The following RCL1 variants were observed in gnomAD, a reference collection of about 807,000 sequenced individuals.
RCL1 encodes the protein RNA terminal phosphate cyclase like 1.
In RCL1, 24 loss-of-function variants were observed where a neutral mutation model predicts 42.4. That is an observed-to-expected ratio of 0.57 (90% confidence interval 0.41 to 0.80). The LOEUF (loss-of-function observed/expected upper bound fraction) is 0.80. Ranked by LOEUF, RCL1 falls within the 30% of genes least tolerant of loss-of-function variation. The pLI is 0.00. For missense variants in RCL1, 578 were observed against 467.9 expected, an observed-to-expected ratio of 1.24 and a Z score of -2.17; for synonymous variants, 228 against 177.3, an observed-to-expected ratio of 1.29 and a Z score of -2.27.
intron 1 of RCL1, among the ~76,000 whole-genome samples, chr9:4,816,596 A>T (rs916091931): frequency 4.6e-5 from 7 of 152,098 alleles, no homozygotes; most frequent in Non-Finnish European, 1.0e-4. Context: ...CTTGTGCTTT[A>T]TCCGCAGCCC....
intron 6 of RCL1, among the ~76,000 whole-genome samples, chr9:4,841,920 A>G (rs1421730275): frequency 6.6e-6 from 1 of 152,248 alleles, no homozygotes; most frequent in African/African-American, 2.4e-5. Context: ...TATGTAATGA[A>G]GATACCTGTT....
chr9:4,827,627 T>TTTA (rs1477135172), intron 3 of RCL1, among the ~76,000 whole-genome samples: 12 of 152,304 alleles, frequency 7.9e-5, no homozygotes, highest in South Asian at 2.1e-4. Context: ...GAGCAAGCTT[T>TTTA]TTATTAAACA....
At position 4,834,135 on chromosome 9, in the gene RCL1, G is replaced by T. The variant is rs369255649; in HGVS notation, c.460-6G>T. ...CCTCGCCTCATCTTTCTCACTCTCT[G>T]TGTAGATTGTGCGACGGGGAATGCC... On this transcript the variant is annotated splice_polypyrimidine_tract_variant and splice_region_variant and intron_variant, in intron 4 of 8. Coordinates refer to ENST00000381750, the MANE Select transcript of RCL1 (RefSeq NM_005772.5). 2 of 1,612,050 alleles carry T rather than the reference G, an allele frequency of 1.2e-6. No individual in the cohort carries two copies. The highest frequency in any genetic ancestry group is 2.7e-5 in the African/African-American group (2 of 74,840).
At chr9:4,824,479 C>G (rs919746914) in intron 2 of RCL1, among the ~76,000 whole-genome samples, 12 of 147,536 alleles carry the variant, frequency 8.1e-5, no homozygotes, top group African/African-American at 2.7e-4. Context: ...GTATAGTATT[C>G]CAGTGTATTG....
Position 4,860,289 on chromosome 9 carries a change from A to G in RCL1, c.*14A>G. On this transcript the variant is annotated 3_prime_UTR_variant, in exon 9 of 9. Transcript: ENST00000381750. Reference sequence around the variant, plus strand: ...ACCCTCAAGTGATAACCATCACAAGATAAGGCCCCAATGCCTACAGACAAA... The same window carrying G: ...ACCCTCAAGTGATAACCATCACAAGGTAAGGCCCCAATGCCTACAGACAAA... The G allele has an allele frequency of 6.2e-7, 1 of 1,611,652 alleles. No homozygotes were observed. Among genetic ancestry groups the G allele is most frequent in the Non-Finnish European group, 8.5e-7 (1 of 1,179,174 alleles).
intron 1 of RCL1, among the ~76,000 whole-genome samples, chr9:4,814,219 T>C (rs1056934514): frequency 7.9e-5 from 9 of 114,376 alleles, no homozygotes; most frequent in South Asian, 2.7e-4. Context: ...ACAGCCTTTA[T>C]TGTGTTGAGG....
At chr9:4,821,130 G>A (rs995422516) in intron 1 of RCL1, among the ~76,000 whole-genome samples, 2 of 152,174 alleles carry the variant, frequency 1.3e-5, no homozygotes, top group Admixed American at 6.6e-5. Context: ...GGCTAAGAGT[G>A]TGGAACCTTT....
intron 8 of RCL1, among the ~76,000 whole-genome samples, chr9:4,858,297 AG>A (rs903655385): frequency 2.6e-5 from 4 of 151,996 alleles, no homozygotes; most frequent in African/African-American, 9.7e-5. Context: ...CCAATCCTGT[AG>A]GTTGTTTTTT....
intron 5 of RCL1, among the ~76,000 whole-genome samples, chr9:4,839,050 G>C (rs987903500): frequency 6.6e-6 from 1 of 152,194 alleles, no homozygotes; most frequent in African/African-American, 2.4e-5. Flanking sequence ...AATTAACCTG[G>C]AGTGATGCAG....
At chr9:4,840,284 A>G (rs937615643) in intron 5 of RCL1, among the ~76,000 whole-genome samples, 1 of 152,142 alleles carries the variant, frequency 6.6e-6, no homozygotes, top group Non-Finnish European at 1.5e-5. Flanking sequence ...TACCTGTTGG[A>G]CTTGTCACGT....
At chr9:4,840,215 T>C (rs1313369473) in intron 5 of RCL1, among the ~76,000 whole-genome samples, 2 of 152,204 alleles carry the variant, frequency 1.3e-5, no homozygotes, top group African/African-American at 4.8e-5. Context: ...AAATTAAATA[T>C]GTTATTGTCA....
chr9:4,814,085 C>G (rs71496497), intron 1 of RCL1, among the ~76,000 whole-genome samples: 2,342 of 152,088 alleles, frequency 0.015, 26 homozygotes, highest in Non-Finnish European at 0.023. Context: ...ACCAGCATGG[C>G]ACACTTATAC....
chr9:4,808,822 C>G (rs1013313453), intron 1 of RCL1, among the ~76,000 whole-genome samples: 2 of 152,136 alleles, frequency 1.3e-5, no homozygotes, highest in Non-Finnish European at 2.9e-5. Context: ...AGCATGATAT[C>G]TAGAAAAGTT....
At chr9:4,832,174 C>G (rs1392303362) in intron 3 of RCL1, among the ~76,000 whole-genome samples, 1 of 152,250 alleles carries the variant, frequency 6.6e-6, no homozygotes, top group African/African-American at 2.4e-5. Flanking sequence ...AGACCCCAGA[C>G]TTCCTGGGAG....
chr9:4,795,284 A>G lies in RCL1; in HGVS notation c.136+2057A>G, dbSNP rs182580583. Among the ~76,000 whole-genome samples, 44 of 152,056 alleles carry G rather than the reference A, an allele frequency of 2.9e-4. 1 individual carries two copies. The highest frequency in any genetic ancestry group is 9.9e-4 in the African/African-American group (41 of 41,460). ...TTTTTAGTAGAGATGGGGTTTCACCATGTTGGCCAGGCTGTATGAAACTGC... is the reference window on the plus strand; with the variant it reads ...TTTTTAGTAGAGATGGGGTTTCACCGTGTTGGCCAGGCTGTATGAAACTGC... On this transcript the variant is annotated intron_variant, in intron 1 of 8. Coordinates refer to ENST00000381750, the MANE Select transcript of RCL1 (RefSeq NM_005772.5).
Position 4,793,202 on chromosome 9 carries a change from C to A in RCL1, c.111C>A (p.Ala37=). The change falls in exon 1 of 9, where the codon GCC becomes GCA. Residue 37 remains alanine, a synonymous_variant. Coordinates refer to ENST00000381750, the MANE Select transcript of RCL1 (RefSeq NM_005772.5). The stretch of plus-strand genomic sequence containing the variant: ...CCGTCAAAATCCGAAAGATTCGGGC[C>A]AGAGACGACAACCCGGGCCTCCGAG... ...GRPVKIRKIR[A]RDDNPGLRDF... 1 of 1,606,336 alleles carries A rather than the reference C, an allele frequency of 6.2e-7. No homozygotes were observed. Among genetic ancestry groups the A allele is most frequent in the Non-Finnish European group, 8.5e-7 (1 of 1,176,498 alleles).
chr9:4,817,766 G>C (rs1816436111), intron 1 of RCL1, among the ~76,000 whole-genome samples: 1 of 151,624 alleles, frequency 6.6e-6, no homozygotes, highest in African/African-American at 2.4e-5. Flanking sequence ...CAAAGTGCTG[G>C]GATTACAGGC....
At chr9:4,844,499 C>T in intron 6 of RCL1, 26 bp from the exon 7 acceptor site, 1 of 1,585,608 alleles carries the variant, frequency 6.3e-7, no homozygotes, top group Non-Finnish European at 8.6e-7. Flanking sequence ...TAAACCTACT[C>T]AGTGTTTGTG....
rs576161083 is a variant in RCL1 at position 4,845,798 on chromosome 9, A to G, written c.867+1117A>G. On this transcript the variant is annotated intron_variant, in intron 7 of 8. Coordinates refer to ENST00000381750, the MANE Select transcript of RCL1 (RefSeq NM_005772.5). The stretch of plus-strand genomic sequence containing the variant: ...TATACTCTAGTTGATTTGCTGTTGT[A>G]TGGTGTATAATGTTTGTAAATCATC... 7.9e-5 allele frequency among the ~76,000 whole-genome samples: 12 copies of G among 152,278 alleles called. No homozygotes were observed. In the East Asian group the frequency reaches 2.3e-3, roughly 29 times the overall value.
Sources: gnomAD v4.1 joint callset for allele counts (sites outside exome capture counted in the v4.1 genomes callset) on GRCh38, gnomAD v4.1.1 for gene constraint, MANE v1.5 for transcripts, NCBI Gene and HGNC (gene_info 2026-07-23, HGNC 2026-07-21) for gene names.